Variants in RC3H2 observed in about 807,000 individuals in gnomAD.
RC3H2 encodes the protein ring finger and CCCH-type domains 2, also known as roquin-2.
In RC3H2, 31 loss-of-function variants were observed where a neutral mutation model predicts 133.3. That is an observed-to-expected ratio of 0.23 (90% CI 0.17 to 0.31). The LOEUF is 0.31. RC3H2 is among the 10% of genes least tolerant of loss of function. RC3H2 has a pLI of 1.00. For synonymous variants in RC3H2, 517 were observed against 502.2 expected (o/e 1.03, Z -0.40); for missense variants, 1,175 against 1,437.2 (o/e 0.82, Z 2.95).
chr9:122,848,584 C>T lies in RC3H2; in HGVS notation c.*1043G>A, dbSNP rs1829915794. The T allele has an allele frequency of 6.6e-6, 1 of 152,032 alleles. No homozygotes were observed. 9.4% of individuals were successfully genotyped at this position (152,032 alleles called of 1,614,324 possible). On this transcript the variant is annotated 3_prime_UTR_variant, in exon 21 of 21. Transcript: ENST00000357244. ...AGTCAAAAAACAAGAAAAACTAAAC[C>T]CCAACATGAAGTAACAATAAACAAT...
At chr9:122,898,837 G>C (rs1483187902) in intron 1 of RC3H2, among the ~76,000 whole-genome samples, 1 of 150,826 alleles carries the variant, frequency 6.6e-6, no homozygotes, top group Non-Finnish European at 1.5e-5. Flanking sequence ...AAACTTCCCA[G>C]AATTTCTTTA....
intron 10 of RC3H2, among the ~76,000 whole-genome samples, chr9:122,864,721 T>C (rs1431448720): frequency 6.6e-6 from 1 of 151,890 alleles, no homozygotes; most frequent in Non-Finnish European, 1.5e-5. Flanking sequence ...CCTGGGTTCA[T>C]GCCATTCTCC....
chr9:122,902,565 C>T (rs1832696649), intron 1 of RC3H2, among the ~76,000 whole-genome samples: 1 of 152,152 alleles, frequency 6.6e-6, no homozygotes, highest in African/African-American at 2.4e-5. Flanking sequence ...TTAAAAGAGG[C>T]TAGGCGTGGT....
At chr9:122,867,202 C>T (rs1387400460) in intron 9 of RC3H2, among the ~76,000 whole-genome samples, 40 of 131,044 alleles carry the variant, frequency 3.1e-4, no homozygotes, top group Middle Eastern at 3.9e-3. Flanking sequence ...AGCGTCTCCG[C>T]CCGGCAGCCA....
At chr9:122,897,705 C>G in intron 1 of RC3H2, 129 bp from the exon 2 acceptor site, 2 of 641,478 alleles carry the variant, frequency 3.1e-6, no homozygotes, top group East Asian at 2.9e-5. Flanking sequence ...CTTTGGATGT[C>G]TTTTTTAAAA....
At chr9:122,861,412 C>A (rs935729094) in intron 10 of RC3H2, among the ~76,000 whole-genome samples, 7 of 150,640 alleles carry the variant, frequency 4.6e-5, no homozygotes, top group African/African-American at 1.7e-4. Context: ...ATCGCTTGAA[C>A]CCAGGAGGCG....
intron 9 of RC3H2, chr9:122,875,152 A>G: frequency 2.0e-6 from 3 of 1,536,814 alleles, no homozygotes; most frequent in Non-Finnish European, 1.8e-6. Flanking sequence ...TACAAACAGC[A>G]TCTTTTTTCC....
chr9:122,900,856 T>C (rs1311797864), intron 1 of RC3H2, among the ~76,000 whole-genome samples: 1 of 152,144 alleles, frequency 6.6e-6, no homozygotes, highest in Non-Finnish European at 1.5e-5. Context: ...TGAAAAAGGA[T>C]AATAAGATAA....
intron 10 of RC3H2, among the ~76,000 whole-genome samples, chr9:122,862,663 G>C (rs924058410): frequency 6.6e-6 from 1 of 152,188 alleles, no homozygotes; most frequent in African/African-American, 2.4e-5. Context: ...GGGAGGCCAA[G>C]GCGGGCAGAT....
intron 5 of RC3H2, among the ~76,000 whole-genome samples, chr9:122,881,382 C>T (rs1398522921): frequency 6.9e-6 from 1 of 144,414 alleles, no homozygotes; most frequent in African/African-American, 2.6e-5. Context: ...CCCACCTACT[C>T]GGGAGGCAGA....
chr9:122,875,204 G>A, intron 9 of RC3H2: 1 of 1,550,918 alleles, frequency 6.4e-7, no homozygotes, highest in Non-Finnish European at 8.7e-7. Context: ...TTCAAGTGGG[G>A]AAAAAAACTG....
intron 3 of RC3H2, among the ~76,000 whole-genome samples, chr9:122,891,734 G>A (rs558089700): frequency 6.6e-6 from 1 of 152,286 alleles, no homozygotes; most frequent in East Asian, 1.9e-4. Context: ...AAGTTTCTCA[G>A]TAAAATCACT....
In RC3H2 at chr9:122,847,344, C is replaced by T. The variant is rs1262048359; in HGVS notation, c.*2283G>A. The stretch of plus-strand genomic sequence containing the variant: ...GAAGATGTTTTGTGTAGTTCTGTTG[C>T]ACAGAGGGTTCTTTCCCTGAGGGCA... On this transcript the variant is annotated 3_prime_UTR_variant, in exon 21 of 21. Transcript: ENST00000357244. The T allele has an allele frequency of 6.6e-6, 1 of 152,014 alleles. No homozygotes were observed. Among genetic ancestry groups the T allele is most frequent in the African/African-American group, 2.4e-5 (1 of 41,400 alleles). 9.4% of individuals were successfully genotyped at this position (152,014 alleles called of 1,614,324 possible).
intron 9 of RC3H2, among the ~76,000 whole-genome samples, chr9:122,867,218 T>A (rs1830731655): frequency 3.5e-5 from 3 of 84,618 alleles, no homozygotes; most frequent in East Asian, 8.9e-4. Flanking sequence ...AGCCACCCCG[T>A]CCGGGAGGGA....
intron 1 of RC3H2, among the ~76,000 whole-genome samples, chr9:122,898,825 C>G (rs1156734344): frequency 6.6e-6 from 1 of 151,008 alleles, no homozygotes; most frequent in African/African-American, 2.4e-5. Context: ...TTTGAACACA[C>G]TAAACTTCCC....
intron 4 of RC3H2, 46 bp from the exon 5 acceptor site, chr9:122,883,425 A>G: frequency 6.7e-7 from 1 of 1,487,476 alleles, no homozygotes; most frequent in East Asian, 2.3e-5. Context: ...TGAGGAACCC[A>G]TCAGATCATG....
At chr9:122,868,888 TGTA>T (rs1830913475) in intron 9 of RC3H2, among the ~76,000 whole-genome samples, 1 of 16,670 alleles carries the variant, frequency 6.0e-5, no homozygotes, top group African/African-American at 1.3e-4. Context: ...TGTGTGTGTG[TGTA>T]TGTGTTTTTT....
intron 4 of RC3H2, among the ~76,000 whole-genome samples, chr9:122,885,168 G>T (rs955110013): frequency 1.3e-5 from 2 of 151,796 alleles, no homozygotes; most frequent in African/African-American, 4.8e-5. Flanking sequence ...CTTGTTTTTA[G>T]GAAAACTAAA....
At position 122,865,536 on chromosome 9, in the gene RC3H2, T is replaced by C. The variant is rs1830610901; in HGVS notation, c.1447A>G (p.Thr483Ala). The C allele has an allele frequency of 1.2e-6, 2 of 1,614,106 alleles. No individual in the cohort carries two copies. The highest frequency in any genetic ancestry group is 1.3e-5 in the African/African-American group (1 of 74,944). Residue 483 changes from threonine (T) to alanine (A), a missense_variant, in exon 10 of 21, where the codon ACT becomes GCT. This residue lies in a region of RC3H2 where 490 missense variants were observed against 492.8 expected (regional missense o/e 0.99). Transcript: ENST00000357244. ...GGAACAATTTTCCCTGTTGTTTCAG[T>C]ACTTCCTATGACAGAAATGACATTT... ...AGNVISVIGS[T>A]ETTGKIVPST...
Sources: allele counts gnomAD v4.1 joint callset (sites outside exome capture counted in the v4.1 genomes callset), GRCh38; gene constraint gnomAD v4.1.1; regional missense constraint gnomAD v4.1.1; transcripts MANE v1.5; gene names NCBI Gene and HGNC (gene_info 2026-07-23, HGNC 2026-07-21).